KAZN: variants seen among roughly 807,000 people sequenced by gnomAD.
The protein encoded by KAZN is kazrin.
Under a neutral mutation model 87.4 loss-of-function variants are expected in KAZN, and 40 were observed. The observed-to-expected ratio is 0.46, with a 90% CI of 0.36 to 0.60. The LOEUF (loss-of-function observed/expected upper bound fraction) is 0.60. Ranked by LOEUF, KAZN falls within the 20% of genes least tolerant of loss-of-function variation. The probability of loss-of-function intolerance (pLI) is 0.00; values close to 1 mark genes in which losing one functional copy is unlikely to be tolerated. For synonymous variants in KAZN, 466 were observed against 458.3 expected (o/e 1.02, Z -0.22); for missense variants, 898 against 1,073.9 (o/e 0.84, Z 2.29).
chr1:15,017,895 G>C (rs1670287684), intron 2 of KAZN, among the ~76,000 whole-genome samples: 1 of 152,078 alleles, frequency 6.6e-6, no homozygotes, highest in African/African-American at 2.4e-5. Context: ...GTGATCATTA[G>C]AGCAAAAACT....
At chr1:14,843,179 C>A (rs945993733) in intron 1 of KAZN, among the ~76,000 whole-genome samples, 1 of 152,152 alleles carries the variant, frequency 6.6e-6, no homozygotes, top group Admixed American at 6.6e-5. Context: ...GAGCTGCTGT[C>A]CTATTCAAGT....
At chr1:14,518,011 C>A (rs149024452) in intron 2 of KAZN, among the ~76,000 whole-genome samples, 9 of 152,230 alleles carry the variant, frequency 5.9e-5, no homozygotes, top group African/African-American at 2.2e-4. Flanking sequence ...GTGTTTTACA[C>A]TCATTTTTGG....
At chr1:14,167,362 C>T (rs1645852838) in intron 1 of KAZN, among the ~76,000 whole-genome samples, 1 of 152,184 alleles carries the variant, frequency 6.6e-6, no homozygotes, top group Admixed American at 6.5e-5. Context: ...AGAGCACAAG[C>T]ATCTCTATCT....
intron 2 of KAZN, among the ~76,000 whole-genome samples, chr1:14,363,131 G>A (rs1435845981): frequency 1.3e-5 from 2 of 152,246 alleles, no homozygotes; most frequent in East Asian, 1.9e-4. Flanking sequence ...TTTTTTAAAC[G>A]AAATCCAATT....
intron 1 of KAZN, among the ~76,000 whole-genome samples, chr1:14,120,543 C>T (rs1339035248): frequency 1.3e-5 from 2 of 152,204 alleles, no homozygotes; most frequent in Non-Finnish European, 2.9e-5. Flanking sequence ...TTAAGTTTAA[C>T]ATCAGTAGAT....
At chr1:15,044,238 T>A in intron 4 of KAZN, 79 bp downstream of exon 4, 12 of 467,924 alleles carry the variant, frequency 2.6e-5, no homozygotes, top group East Asian at 1.1e-4. Context: ...TGGCACCGAC[T>A]CACATCGGAG....
At chr1:14,883,304 GAAAGAAAGAA>G (rs1653545919) in intron 1 of KAZN, among the ~76,000 whole-genome samples, 2 of 45,994 alleles carry the variant, frequency 4.3e-5, no homozygotes, top group Non-Finnish European at 9.5e-5. Context: ...TCAAAAGAAA[GAAAGAAAGAA>G]AGAAAGAGAG....
At chr1:14,590,414 G>A (rs114084038) in intron 2 of KAZN, among the ~76,000 whole-genome samples, 1 of 152,178 alleles carries the variant, frequency 6.6e-6, no homozygotes, top group African/African-American at 2.4e-5. Context: ...GCCTCAGCGA[G>A]TGCAGGGATG....
intron 2 of KAZN, among the ~76,000 whole-genome samples, chr1:14,343,103 G>A (rs192947619): frequency 1.3e-5 from 2 of 152,210 alleles, no homozygotes; most frequent in East Asian, 1.9e-4. Context: ...CCGAGATTGC[G>A]CCATTGCACT....
intron 1 of KAZN, among the ~76,000 whole-genome samples, chr1:14,084,148 T>C (rs1643778840): frequency 6.6e-6 from 1 of 152,028 alleles, no homozygotes; most frequent in African/African-American, 2.4e-5. Context: ...GATAGTGTGG[T>C]CAGATGGAGA....
intron 2 of KAZN, among the ~76,000 whole-genome samples, chr1:14,591,083 A>G (rs549660190): frequency 1.3e-5 from 2 of 152,196 alleles, no homozygotes; most frequent in South Asian, 4.1e-4. Context: ...AGAGTGTAGG[A>G]GTGGCTAGAA....
intron 1 of KAZN, among the ~76,000 whole-genome samples, chr1:14,766,464 C>A (rs566361330): frequency 6.6e-6 from 1 of 151,714 alleles, no homozygotes; most frequent in East Asian, 1.9e-4. Flanking sequence ...GAAGAGATGC[C>A]GGCTGGCACA....
chr1:14,867,105 G>T (rs922017942), intron 1 of KAZN, among the ~76,000 whole-genome samples: 1 of 151,922 alleles, frequency 6.6e-6, no homozygotes, highest in Non-Finnish European at 1.5e-5. Context: ...GTTTTTTCCA[G>T]GCCTCCTCTG....
intron 1 of KAZN, among the ~76,000 whole-genome samples, chr1:13,935,233 G>A (rs1390611087): frequency 1.7e-5 from 1 of 59,074 alleles, no homozygotes; most frequent in Admixed American, 2.1e-4. Flanking sequence ...GCGAAACTCC[G>A]TATCAAATAG....
chr1:14,019,915 T>C (rs1161502181), intron 1 of KAZN, among the ~76,000 whole-genome samples: 1 of 152,150 alleles, frequency 6.6e-6, no homozygotes, highest in African/African-American at 2.4e-5. Context: ...ACATTTATCG[T>C]ACACTTTATT....
At chr1:14,620,955 C>T (rs1371135002) in intron 1 of KAZN, among the ~76,000 whole-genome samples, 1 of 152,200 alleles carries the variant, frequency 6.6e-6, no homozygotes, top group East Asian at 1.9e-4. Context: ...AGATGGTCCT[C>T]ATCATCTCTG....
In KAZN at chr1:15,027,070, CTTTTTTTTTTTT is replaced by C. The variant is rs71000358; in HGVS notation, c.419-7661_419-7650del. ...TAGGCAGATTCCCAAGCCAGTGCTT[CTTTTTTTTTTTT>C]TTTTTTTTTTTTTTTTTGAGACAGA... On this transcript the variant is annotated intron_variant, in intron 2 of 14. Coordinates refer to ENST00000376030, the MANE Select transcript of KAZN (RefSeq NM_201628.3). 1.4e-4 allele frequency among the ~76,000 whole-genome samples: 8 copies of C among 56,122 alleles called. No individual in the cohort carries two copies. The South Asian group carries it at 6.7e-3, about 47-fold the overall frequency. 36.8% of individuals were successfully genotyped at this position (56,122 alleles called of 152,430 possible). A position where few individuals can be genotyped will look rare whatever the true frequency, so the allele number is the denominator to read the frequency against.
At chr1:13,933,606 T>C (rs1640613945) in intron 1 of KAZN, among the ~76,000 whole-genome samples, 1 of 152,240 alleles carries the variant, frequency 6.6e-6, no homozygotes, top group Admixed American at 6.5e-5. Flanking sequence ...GTTCTAGACC[T>C]TGTGGGCATA....
At chr1:15,112,138 G>A in intron 13 of KAZN, 1 of 469,486 alleles carries the variant, frequency 2.1e-6, no homozygotes, top group Non-Finnish European at 3.9e-6. Flanking sequence ...TTCAGATCTT[G>A]ATTCTGCCGC....
Sources: gnomAD v4.1 joint callset for allele counts (sites outside exome capture counted in the v4.1 genomes callset) on GRCh38, gnomAD v4.1.1 for gene constraint, MANE v1.5 for transcripts, NCBI Gene and HGNC (gene_info 2026-07-23, HGNC 2026-07-21) for gene names.